The following VCPKMT variants were observed in gnomAD, a reference collection of about 807,000 sequenced individuals.
VCPKMT encodes protein N-lysine methyltransferase METTL21D.
VCPKMT carries 32 observed loss-of-function variants against 28.6 expected under a neutral mutation model. The observed-to-expected ratio is 1.12, with a 90% CI of 0.84 to 1.50. The LOEUF (loss-of-function observed/expected upper bound fraction) is 1.50. VCPKMT is among the 40% of genes most tolerant of loss of function. The pLI, the probability that VCPKMT is intolerant of heterozygous loss-of-function variation, is 0.00. For missense variants in VCPKMT, 366 were observed against 285.0 expected, an observed-to-expected ratio of 1.28 and a Z score of -2.05; for synonymous variants, 138 against 111.4, an observed-to-expected ratio of 1.24 and a Z score of -1.50.
At position 50,116,531 on chromosome 14, in the gene VCPKMT, A is replaced by G. The variant is rs1211780912; in HGVS notation, c.22T>C (p.Ser8Pro). The G allele has an allele frequency of 6.2e-7, 1 of 1,612,492 alleles. No individual in the cohort carries two copies. Among genetic ancestry groups the G allele is most frequent in the Non-Finnish European group, 8.5e-7 (1 of 1,179,322 alleles). The change falls in exon 1 of 6, where the codon TCG becomes CCG. Residue 8 changes from serine (S) to proline (P), a missense_variant. Physicochemically the swap from Ser to Pro is moderately conservative, Grantham distance 74. Transcript: ENST00000395860. ...AAGCTCCGCAGTGGGTCCTCCAGCGAGGACTCCAGCGTATCCGCCATTGCG... is the reference window on the plus strand; with the variant it reads ...AAGCTCCGCAGTGGGTCCTCCAGCGGGGACTCCAGCGTATCCGCCATTGCG... MADTLES[S>P]LEDPLRSFVR...
intron 5 of VCPKMT, chr14:50,111,312 G>C: frequency 1.0e-6 from 1 of 984,832 alleles, no homozygotes; most frequent in Non-Finnish European, 1.2e-6. Context: ...AGTTTTTTTT[G>C]TATCTGTGGC....
chr14:50,112,631 A>T lies in VCPKMT; in HGVS notation c.659T>A (p.Ile220Asn). 1 of 1,548,738 alleles carries T rather than the reference A, an allele frequency of 6.5e-7. No individual in the cohort carries two copies. The highest frequency in any genetic ancestry group is 8.8e-7 in the Non-Finnish European group (1 of 1,139,980). ...GTTATTTACCGATTTTTTCTTTCTG[A>T]TGTATATAATATGAATATCTTCACT... ...YRSEDIHIIY[I>N]RKKKSKFPS The change falls in exon 5 of 6, where the codon ATC (isoleucine) becomes AAC (asparagine). Residue 220 changes from isoleucine to asparagine, a missense_variant. Physicochemically the swap from Ile to Asn is moderately radical, Grantham distance 149 (BLOSUM62 -3). Transcript: ENST00000395860.
chr14:50,113,809 G>GGGGGGGGGGGGGGGT lies in VCPKMT; in HGVS notation c.570+475_570+476insACCCCCCCCCCCCCC, dbSNP rs1566807810. Among the ~76,000 whole-genome samples the GGGGGGGGGGGGGGGT allele has an allele frequency of 5.0e-5, 2 of 39,816 alleles. 1 individual carries two copies. The highest frequency in any genetic ancestry group is 1.0e-4 in the Non-Finnish European group (2 of 19,768). The allele number at this position is 39,816 out of a possible 152,430, so 26.1% of individuals were successfully genotyped here. On this transcript the variant is annotated intron_variant, in intron 4 of 5. Transcript: ENST00000395860. ...TACTTGGGGGCGGGGGGGGGGGGGG[G>GGGGGGGGGGGGGGGT]TGACACTGAGGCAGGAGGATCACTT...
rs1041341372 is a variant in VCPKMT at position 50,108,691 on chromosome 14, C to CTA, written c.*1006_*1007dup. 25 of 985,678 alleles carry CTA rather than the reference C, an allele frequency of 2.5e-5. No homozygotes were observed. The highest frequency in any genetic ancestry group is 2.8e-5 in the Non-Finnish European group (23 of 829,924). 61.1% of individuals were successfully genotyped at this position (985,678 alleles called of 1,614,324 possible). A position where few individuals can be genotyped will look rare whatever the true frequency, so the allele number is the denominator to read the frequency against. On this transcript the variant is annotated 3_prime_UTR_variant, in exon 6 of 6. Transcript: ENST00000395860. ...AAAATGTACCATCTAGCACCAATGC[C>CTA]TATAAATACCAGAATTCCATCCGGT...
intron 5 of VCPKMT, among the ~76,000 whole-genome samples, chr14:50,110,081 C>A (rs1037272035): frequency 1.3e-5 from 2 of 152,052 alleles, no homozygotes; most frequent in Non-Finnish European, 2.9e-5. Flanking sequence ...CCAATCTCTA[C>A]TAAAAATACA....
At chr14:50,115,197 G>C (rs910482740) in intron 3 of VCPKMT, among the ~76,000 whole-genome samples, 2 of 143,422 alleles carry the variant, frequency 1.4e-5, no homozygotes, top group Admixed American at 7.2e-5. Flanking sequence ...TTGTTGCCCA[G>C]GCTGGAATGC....
chr14:50,112,012 G>T (rs1302782633), intron 5 of VCPKMT: 4 of 985,036 alleles, frequency 4.1e-6, no homozygotes, highest in Non-Finnish European at 4.8e-6. Context: ...CAAGAAGCGG[G>T]AAAATACATA....
chr14:50,114,532 A>C (rs1262955429), intron 3 of VCPKMT, 128 bp from the exon 4 acceptor site: 2 of 625,982 alleles, frequency 3.2e-6, no homozygotes, highest in Non-Finnish European at 4.9e-6. Flanking sequence ...AATCCAACAA[A>C]GCACATGTAA....
intron 3 of VCPKMT, among the ~76,000 whole-genome samples, chr14:50,115,231 C>T (rs1477462379): frequency 6.8e-6 from 1 of 148,146 alleles, no homozygotes; most frequent in East Asian, 2.0e-4. Flanking sequence ...CGGCTCACTG[C>T]AACCTCCGCC....
Position 50,109,607 on chromosome 14 carries a change from G to C in VCPKMT, c.*92C>G. On this transcript the variant is annotated 3_prime_UTR_variant, in exon 6 of 6. Transcript: ENST00000395860. ...GGACGTGCCGGAAAAAAAAATCTGT[G>C]AACACAATCTTCCCATGCTGTATTC... The C allele has an allele frequency of 6.8e-7, 1 of 1,480,856 alleles. No homozygotes were observed. Among genetic ancestry groups the C allele is most frequent in the Non-Finnish European group, 8.9e-7 (1 of 1,118,706 alleles). 91.7% of individuals were successfully genotyped at this position (1,480,856 alleles called of 1,614,324 possible).
rs1478380594 is a variant in VCPKMT, at chr14:50,116,473, A to C, written c.80T>G (p.Val27Gly). 1 of 1,613,894 alleles carries C rather than the reference A, an allele frequency of 6.2e-7. No individual in the cohort carries two copies. The highest frequency in any genetic ancestry group is 2.2e-5 in the East Asian group (1 of 44,894). ...VRVLEKRDGT[V>G]LRLQQYSSGG... ...GGAGCTATACTGCTGTAGTCGTAGC[A>C]CTGTACCATCCCGCTTCTCCAAAAC... Residue 27 changes from valine (V) to glycine (G), a missense_variant, in exon 1 of 6, where the codon GTG becomes GGG. Transcript: ENST00000395860.
chr14:50,112,084 T>A (rs1029104114), intron 5 of VCPKMT: 36 of 984,366 alleles, frequency 3.7e-5, no homozygotes, highest in Middle Eastern at 5.2e-4. Flanking sequence ...GTATTTCATT[T>A]CCTGTAAACA....
rs759804771 is a variant in VCPKMT at position 50,116,366 on chromosome 14, C to A, written c.187G>T (p.Ala63Ser). ...LETPEFSGDG[A>S]HALSRRSVLE... ...ACCGACCGCCGGCTCAGCGCGTGGGCCCCGTCGCCAGAAAACTCGGGCGTT... is the reference window on the plus strand; with the variant it reads ...ACCGACCGCCGGCTCAGCGCGTGGGACCCGTCGCCAGAAAACTCGGGCGTT... Residue 63 changes from alanine to serine, a missense_variant, in exon 1 of 6, where the codon GCC becomes TCC. Ala to Ser is a moderately conservative substitution (Grantham distance 99). Coordinates refer to ENST00000395860, the MANE Select transcript of VCPKMT (RefSeq NM_024558.3). 6 of 1,613,026 alleles carry A rather than the reference C, an allele frequency of 3.7e-6. No homozygotes were observed. The highest frequency in any genetic ancestry group is 1.3e-5 in the African/African-American group (1 of 74,882).
intron 5 of VCPKMT, chr14:50,111,303 G>T: frequency 1.0e-6 from 1 of 984,740 alleles, no homozygotes; most frequent in Non-Finnish European, 1.2e-6. Context: ...GCACAAAACA[G>T]TTTTTTTTGT....
intron 5 of VCPKMT, 45 bp from the exon 6 acceptor site, chr14:50,109,758 A>T: frequency 6.3e-7 from 1 of 1,576,506 alleles, no homozygotes. Flanking sequence ...TTTACCACAA[A>T]CTATTTACTG....
In VCPKMT at chr14:50,116,073, T is replaced by C; in HGVS notation, c.373A>G (p.Lys125Glu). The change falls in exon 2 of 6, where the codon AAA (lysine) becomes GAA (glutamate). Residue 125 changes from lysine to glutamate, a missense_variant. Lys to Glu is a moderately conservative substitution (Grantham distance 56). Coordinates refer to ENST00000395860, the MANE Select transcript of VCPKMT (RefSeq NM_024558.3). ...VTGSVQAKVL[K>E]WGEEIEGFPS... ...AAGCTGAAAGGCCATACAAACCATT[T>C]CAGTACCTTGGCTTGAACAGAACCA... 1 of 1,610,568 alleles carries C rather than the reference T, an allele frequency of 6.2e-7. No homozygotes were observed. The highest frequency in any genetic ancestry group is 2.2e-5 in the East Asian group (1 of 44,830).
In VCPKMT at chr14:50,109,244, C is replaced by T; in HGVS notation, c.*455G>A. On this transcript the variant is annotated 3_prime_UTR_variant, in exon 6 of 6. Coordinates refer to ENST00000395860, the MANE Select transcript of VCPKMT (RefSeq NM_024558.3). ...ATGATAAATATTGTATAATTATGTA[C>T]AAAATGAAAACCTTTTAAACTCTGA... The T allele has an allele frequency of 1.1e-6, 1 of 938,134 alleles. No homozygotes were observed. The highest frequency in any genetic ancestry group is 1.3e-6 in the Non-Finnish European group (1 of 786,646). 58.1% of individuals were successfully genotyped at this position (938,134 alleles called of 1,614,324 possible).
chr14:50,109,925 T>C (rs1882529706), intron 5 of VCPKMT, among the ~76,000 whole-genome samples: 2 of 152,094 alleles, frequency 1.3e-5, no homozygotes, highest in African/African-American at 2.4e-5. Context: ...TTGGACATTA[T>C]CAAAATTAAA....
At chr14:50,110,995 G>A (rs1755094527) in intron 5 of VCPKMT, 1 of 220,968 alleles carries the variant, frequency 4.5e-6, no homozygotes, top group Non-Finnish European at 7.6e-6. Flanking sequence ...TGGGGACGGG[G>A]GTAACAGGGA....
Sources: gnomAD v4.1 joint callset for allele counts (sites outside exome capture counted in the v4.1 genomes callset) on GRCh38, gnomAD v4.1.1 for gene constraint, MANE v1.5 for transcripts, NCBI Gene and HGNC (gene_info 2026-07-23, HGNC 2026-07-21) for gene names.